Variants in SH3PXD2A observed in about 807,000 individuals in gnomAD.
SH3PXD2A encodes the protein SH3 and PX domain-containing protein 2A.
In SH3PXD2A, 32 loss-of-function variants were observed where a neutral mutation model predicts 115.2. The observed-to-expected ratio is 0.28, with a 90% confidence interval of 0.21 to 0.37. The LOEUF (loss-of-function observed/expected upper bound fraction) is 0.37, where lower values mean the gene tolerates loss of function less well. SH3PXD2A is among the 10% of genes least tolerant of loss of function. The pLI is 1.00. For synonymous variants in SH3PXD2A, 610 were observed against 629.1 expected (o/e 0.97, Z 0.45); for missense variants, 1,328 against 1,498.7 (o/e 0.89, Z 1.88).
rs978414830 is a variant in SH3PXD2A, at chr10:103,840,902, G to A, written c.72+14293C>T. Among the ~76,000 whole-genome samples the A allele has an allele frequency of 3.9e-5, 6 of 152,200 alleles. No homozygotes were observed. In the South Asian group the frequency reaches 6.2e-4, roughly 16 times the overall value. On this transcript the variant is annotated intron_variant, in intron 1 of 14. Transcript: ENST00000369774. Reference sequence around the variant, plus strand: ...ACAATGGAAGACAGTTTCCCTGGATGTTACACACAGCATTTAGGCTCCCAG... The same window carrying A: ...ACAATGGAAGACAGTTTCCCTGGATATTACACACAGCATTTAGGCTCCCAG...
intron 11 of SH3PXD2A, among the ~76,000 whole-genome samples, chr10:103,614,530 A>G (rs1466618361): frequency 6.6e-6 from 1 of 152,240 alleles, no homozygotes; most frequent in Admixed American, 6.5e-5. Flanking sequence ...CAAAAGGCAA[A>G]TGATAGGGCT....
At chr10:103,651,733 A>G (rs2037126905) in intron 8 of SH3PXD2A, among the ~76,000 whole-genome samples, 1 of 152,240 alleles carries the variant, frequency 6.6e-6, no homozygotes. Context: ...ACTGTGATTC[A>G]GAAAGAGATC....
intron 4 of SH3PXD2A, among the ~76,000 whole-genome samples, chr10:103,728,889 G>C (rs2863996): frequency 7.0e-6 from 1 of 142,884 alleles, no homozygotes; most frequent in East Asian, 2.1e-4. Context: ...TTTTTTGTTT[G>C]TTTGTTTGTT....
At chr10:103,640,822 G>A (rs181467796) in intron 8 of SH3PXD2A, among the ~76,000 whole-genome samples, 20 of 152,272 alleles carry the variant, frequency 1.3e-4, no homozygotes, top group Admixed American at 5.2e-4. Flanking sequence ...AGGGGGCCTG[G>A]CAGTGAGTGA....
At chr10:103,836,044 C>T (rs1048139308) in intron 1 of SH3PXD2A, among the ~76,000 whole-genome samples, 2 of 152,150 alleles carry the variant, frequency 1.3e-5, no homozygotes, top group African/African-American at 2.4e-5. Context: ...AGTGACTCAG[C>T]CTTTCTGATT....
At chr10:103,834,485 T>C (rs919989333) in intron 1 of SH3PXD2A, among the ~76,000 whole-genome samples, 1 of 152,250 alleles carries the variant, frequency 6.6e-6, no homozygotes, top group African/African-American at 2.4e-5. Context: ...GAAAATGTTC[T>C]GAAATTGACT....
At position 103,666,212 on chromosome 10, in the gene SH3PXD2A, C is replaced by T. The variant is rs1002694957; in HGVS notation, c.472+2396G>A. The stretch of plus-strand genomic sequence containing the variant: ...GATCCCCGTCCCCCACACCACCATT[C>T]AATACATCATTCATGATTCAACACA... On this transcript the variant is annotated intron_variant, in intron 7 of 14. Transcript: ENST00000369774. This position sits in a 1 kb window ranked among gnomAD's most constrained non-coding sequence, Gnocchi z 4.5. Among the ~76,000 whole-genome samples, 1 of 152,240 alleles carries T rather than the reference C, an allele frequency of 6.6e-6. No individual in the cohort carries two copies. Among genetic ancestry groups the T allele is most frequent in the African/African-American group, 2.4e-5 (1 of 41,460 alleles).
chr10:103,800,826 G>A (rs1376973365), intron 2 of SH3PXD2A, among the ~76,000 whole-genome samples: 3 of 152,170 alleles, frequency 2.0e-5, no homozygotes, highest in African/African-American at 7.2e-5. Flanking sequence ...GACAGACACC[G>A]TGGTATGTAT....
At chr10:103,806,097 A>G (rs1019398276) in intron 1 of SH3PXD2A, among the ~76,000 whole-genome samples, 1 of 151,940 alleles carries the variant, frequency 6.6e-6, no homozygotes, top group Non-Finnish European at 1.5e-5. Flanking sequence ...CTTGCACCCT[A>G]CTTTCTATGC....
intron 13 of SH3PXD2A, among the ~76,000 whole-genome samples, chr10:103,611,354 G>C (rs1459900499): frequency 6.6e-6 from 1 of 152,180 alleles, no homozygotes; most frequent in Non-Finnish European, 1.5e-5. Flanking sequence ...ATTTAGCTTT[G>C]GAGTGCAGTG....
intron 5 of SH3PXD2A, among the ~76,000 whole-genome samples, chr10:103,702,977 G>A (rs1038291636): frequency 6.6e-6 from 1 of 152,190 alleles, no homozygotes; most frequent in Non-Finnish European, 1.5e-5. Context: ...AGATACCAGG[G>A]CCCCACTGCA....
At chr10:103,757,679 C>T (rs2038657439) in intron 3 of SH3PXD2A, among the ~76,000 whole-genome samples, 1 of 152,098 alleles carries the variant, frequency 6.6e-6, no homozygotes, top group Non-Finnish European at 1.5e-5. Context: ...CTTGTTACTC[C>T]CTGCAAGACC....
At chr10:103,661,329 G>A (rs1167605354) in intron 7 of SH3PXD2A, among the ~76,000 whole-genome samples, 4 of 152,260 alleles carry the variant, frequency 2.6e-5, no homozygotes, top group African/African-American at 7.2e-5. Context: ...GGGTCCGGGG[G>A]ACATGGGGAG....
chr10:103,770,668 T>C (rs1010766985), intron 2 of SH3PXD2A, among the ~76,000 whole-genome samples: 8 of 152,180 alleles, frequency 5.3e-5, no homozygotes, highest in Non-Finnish European at 1.0e-4. Flanking sequence ...TGGCAGCTGG[T>C]TAGCTGTGCT....
intron 4 of SH3PXD2A, among the ~76,000 whole-genome samples, chr10:103,729,844 C>A (rs1589432716): frequency 6.6e-6 from 1 of 152,334 alleles, no homozygotes; most frequent in East Asian, 1.9e-4. Context: ...AACTGTCCTG[C>A]AGTCTCCAGC....
intron 3 of SH3PXD2A, among the ~76,000 whole-genome samples, chr10:103,744,982 A>G (rs1257145558): frequency 6.6e-6 from 1 of 152,188 alleles, no homozygotes; most frequent in African/African-American, 2.4e-5. Context: ...AGTGGGGTTG[A>G]TCCCATCCCA....
At chr10:103,691,535 G>T (rs1257637261) in intron 6 of SH3PXD2A, among the ~76,000 whole-genome samples, 1 of 152,086 alleles carries the variant, frequency 6.6e-6, no homozygotes, top group East Asian at 1.9e-4. Context: ...CCTGCCTGGA[G>T]TGACAGTGGA....
chr10:103,799,726 A>G (rs147207872), intron 2 of SH3PXD2A, among the ~76,000 whole-genome samples: 14 of 152,304 alleles, frequency 9.2e-5, no homozygotes, highest in African/African-American at 3.1e-4. Context: ...CCTCTCCCCA[A>G]CTGAGTTATC....
intron 5 of SH3PXD2A, among the ~76,000 whole-genome samples, chr10:103,719,711 T>C (rs1309646864): frequency 6.8e-6 from 1 of 146,576 alleles, no homozygotes; most frequent in Admixed American, 6.9e-5. Context: ...TTTTCTTTTT[T>C]TTTTTCTTTC....
Sources: allele counts gnomAD v4.1 joint callset (sites outside exome capture counted in the v4.1 genomes callset), GRCh38; gene constraint gnomAD v4.1.1; non-coding constraint Gnocchi (gnomAD v3.1); transcripts MANE v1.5; gene names NCBI Gene and HGNC (gene_info 2026-07-23, HGNC 2026-07-21).